ADGRG1: variants seen among roughly 807,000 people sequenced by gnomAD.
ADGRG1 encodes the protein 7-transmembrane protein with no EGF-like N-terminal domains-1.
ADGRG1 carries 53 observed loss-of-function variants against 73.5 expected under a neutral mutation model. The observed-to-expected ratio is 0.72, with a 90% confidence interval of 0.58 to 0.91. The LOEUF is 0.91. Among genes scored for constraint, ADGRG1 ranks in the 40% least tolerant of loss-of-function variants. The pLI is 0.00. For synonymous variants in ADGRG1, 394 were observed against 374.4 expected (o/e 1.05, Z -0.60); for missense variants, 795 against 871.8 (o/e 0.91, Z 1.11).
intron 5 of ADGRG1, 142 bp from the exon 6 acceptor site, chr16:57,655,257 T>C: frequency 6.4e-7 from 1 of 1,560,622 alleles, no homozygotes; most frequent in South Asian, 1.1e-5. Flanking sequence ...AGGGCTGTCA[T>C]GAGTCAGGCT....
intron 1 of ADGRG1, chr16:57,642,198 T>C (rs1326096932): frequency 1.0e-6 from 1 of 985,294 alleles, no homozygotes; most frequent in Non-Finnish European, 1.2e-6. Flanking sequence ...CCAACTTTAA[T>C]GGAATGGCAC....
At chr16:57,625,353 C>T (rs1221289713), upstream of ADGRG1, among the ~76,000 whole-genome samples, 6 of 152,132 alleles carry the variant, frequency 3.9e-5, no homozygotes, top group African/African-American at 1.4e-4. Flanking sequence ...GGATCTGCAC[C>T]CCATCCTGTG....
At chr16:57,642,611 A>G in intron 1 of ADGRG1, 1 of 982,384 alleles carries the variant, frequency 1.0e-6, no homozygotes, top group Non-Finnish European at 1.2e-6. Context: ...ATATGCTAAT[A>G]TACAACAGAA....
intron 13 of ADGRG1, chr16:57,663,229 G>A: frequency 1.2e-6 from 1 of 814,338 alleles, no homozygotes; most frequent in Non-Finnish European, 1.5e-6. Flanking sequence ...TAATGAATAG[G>A]ATGGGCCTAG....
rs547196257 is a variant in ADGRG1, at chr16:57,643,470, G to T, written c.-35-6783G>T. 34 of 647,364 alleles carry T rather than the reference G, an allele frequency of 5.3e-5. No individual in the cohort carries two copies. In the African/African-American group the frequency reaches 6.5e-4, roughly 12 times the overall value. 40.1% of individuals were successfully genotyped at this position (647,364 alleles called of 1,614,324 possible). A position where few individuals can be genotyped will look rare whatever the true frequency, so the allele number is the denominator to read the frequency against. ...CTCCCCTTTGTCACTCTTCCCACAG[G>T]GTGTGTCTGGGCAGGCAGAGGGTGT... On this transcript the variant is annotated intron_variant, in intron 1 of 13. Coordinates refer to ENST00000562631, the MANE Select transcript of ADGRG1 (RefSeq NM_201525.4).
chr16:57,635,726 C>T (rs771580722), intron 1 of ADGRG1: 64 of 985,230 alleles, frequency 6.5e-5, no homozygotes, highest in East Asian at 1.1e-4. Flanking sequence ...TAGCTGCTGC[C>T]GACTCTCCAT....
intron 1 of ADGRG1, chr16:57,631,084 G>A (rs2037750242): frequency 1.2e-5 from 12 of 980,244 alleles, no homozygotes; most frequent in African/African-American, 1.8e-5. Context: ...GTGTGAGGTT[G>A]GCCAGGCAGT....
In ADGRG1 at chr16:57,651,216, C is replaced by A. The variant is rs2044003696; in HGVS notation, c.81C>A (p.Gly27=). The change falls in exon 3 of 14, where the codon GGC becomes GGA. Residue 27 remains glycine (G), a synonymous_variant. Coordinates refer to ENST00000562631, the MANE Select transcript of ADGRG1 (RefSeq NM_201525.4). ...CCTCCTCAGGTGCCCACGGCAGGGGCCACAGGGAAGACTTTCGCTTCTGCA... is the reference window on the plus strand; with the variant it reads ...CCTCCTCAGGTGCCCACGGCAGGGGACACAGGGAAGACTTTCGCTTCTGCA... The part of the protein sequence containing the change: ...LFLVQGAHGR[G]HREDFRFCSQ... The A allele has an allele frequency of 6.2e-7, 1 of 1,614,134 alleles. No homozygotes were observed. Among genetic ancestry groups the A allele is most frequent in the Non-Finnish European group, 8.5e-7 (1 of 1,179,996 alleles).
chr16:57,626,579 A>G (rs935739), upstream of ADGRG1: 431,298 of 983,484 alleles, frequency 0.44, 98,895 homozygotes, highest in African/African-American at 0.78. Flanking sequence ...AACTCCGCCC[A>G]GCCAGGCAGC....
chr16:57,642,748 A>T lies in ADGRG1; in HGVS notation c.-35-7505A>T, dbSNP rs560788864. 4 of 630,750 alleles carry T rather than the reference A, an allele frequency of 6.3e-6. No homozygotes were observed. The East Asian group carries it at 5.6e-4, about 88-fold the overall frequency. The allele number at this position is 630,750 out of a possible 1,614,324, so 39.1% of individuals were successfully genotyped here. A position where few individuals can be genotyped will look rare whatever the true frequency, so the allele number is the denominator to read the frequency against. ...AAGAGAAAGAACTCAGAAGACCACA[A>T]TGGCTAAAAGTTTGGGCTTGGAGGT... On this transcript the variant is annotated intron_variant, in intron 1 of 13. Transcript: ENST00000562631.
chr16:57,661,380 G>T, intron 12 of ADGRG1: 2 of 985,306 alleles, frequency 2.0e-6, no homozygotes, highest in Non-Finnish European at 2.4e-6. Context: ...CGGAAGCCAG[G>T]GTTCCTGAGC....
At chr16:57,644,352 ACACT>A (rs1378551884) in intron 1 of ADGRG1, 2 of 239,226 alleles carry the variant, frequency 8.4e-6, no homozygotes, top group Non-Finnish European at 1.3e-5. Flanking sequence ...CACTGATCAC[ACACT>A]CATGCACGGG....
upstream of ADGRG1, among the ~76,000 whole-genome samples, chr16:57,625,234 C>T (rs919127165): frequency 5.9e-5 from 9 of 152,212 alleles, no homozygotes; most frequent in South Asian, 1.0e-3. Context: ...TGAGCCCCAA[C>T]GACGTGTTTC....
At chr16:57,644,809 A>G (rs2042066839) in intron 1 of ADGRG1, among the ~76,000 whole-genome samples, 1 of 135,102 alleles carries the variant, frequency 7.4e-6, no homozygotes, top group East Asian at 2.3e-4. Context: ...CACACTCATC[A>G]CTCCTCACAC....
At chr16:57,624,851 T>C, upstream of ADGRG1, 1 of 248,656 alleles carries the variant, frequency 4.0e-6, no homozygotes, top group Non-Finnish European at 6.4e-6. Flanking sequence ...GGCCAATGCA[T>C]TGGGGTGCCC....
rs768017345 is a variant in ADGRG1 at position 57,663,575 on chromosome 16, G to T, written c.2057G>T (p.Arg686Leu). The T allele has an allele frequency of 1.2e-6, 2 of 1,613,186 alleles. No individual in the cohort carries two copies. The highest frequency in any genetic ancestry group is 1.7e-6 in the Non-Finnish European group (2 of 1,179,948). Residue 686 changes from arginine (R) to leucine (L), a missense_variant, in exon 14 of 14, where the codon CGC (arginine) becomes CTC (leucine). Arg to Leu is a moderately radical substitution (Grantham distance 102). Coordinates refer to ENST00000562631, the MANE Select transcript of ADGRG1 (RefSeq NM_201525.4). ...PISSGSTSSS[R>L]I Reference sequence around the variant, plus strand: ...AGCTCGGGCAGCACCTCGTCCAGCCGCATCTAGGCCTCCAGCCCACCTGCC... The same window carrying T: ...AGCTCGGGCAGCACCTCGTCCAGCCTCATCTAGGCCTCCAGCCCACCTGCC...
At position 57,661,669 on chromosome 16, in the gene ADGRG1, C is replaced by T. The variant is rs372690236; in HGVS notation, c.1665-28C>T. ...GGAAATGCTGCCCGTGCTGGCCACACGCTGAGCCCTCCTGCCTTTGCCCGC... is the reference window on the plus strand; with the variant it reads ...GGAAATGCTGCCCGTGCTGGCCACATGCTGAGCCCTCCTGCCTTTGCCCGC... On this transcript the variant is annotated intron_variant, in intron 12 of 13. Coordinates refer to ENST00000562631, the MANE Select transcript of ADGRG1 (RefSeq NM_201525.4). The T allele has an allele frequency of 8.6e-5, 138 of 1,604,362 alleles. 1 individual carries two copies. Among genetic ancestry groups the T allele is most frequent in the Non-Finnish European group, 1.1e-4 (124 of 1,175,994 alleles).
chr16:57,655,708 AC>A, intron 6 of ADGRG1, 167 bp from the exon 7 acceptor site: 26 of 985,350 alleles, frequency 2.6e-5, no homozygotes, highest in Non-Finnish European at 2.9e-5. Context: ...TGTTCTTCTT[AC>A]TATAGTGTAA....
At chr16:57,651,662 G>C (rs1263537603) in intron 3 of ADGRG1, 40 bp downstream of exon 3, 1 of 1,593,272 alleles carries the variant, frequency 6.3e-7, no homozygotes, top group Non-Finnish European at 8.6e-7. Context: ...CTGGGCAGTG[G>C]TCTAGAGGCA....
Sources: gnomAD v4.1 joint callset for allele counts (sites outside exome capture counted in the v4.1 genomes callset) on GRCh38, gnomAD v4.1.1 for gene constraint, MANE v1.5 for transcripts, NCBI Gene and HGNC (gene_info 2026-07-23, HGNC 2026-07-21) for gene names.